Variants in ATN1 observed in about 807,000 individuals in gnomAD.
The protein encoded by ATN1 is atrophin 1, also known as atrophin-1.
ATN1 carries 19 observed loss-of-function variants against 85.8 expected under a neutral mutation model. That is an observed-to-expected ratio of 0.22 (90% CI 0.15 to 0.32). The LOEUF (loss-of-function observed/expected upper bound fraction) is 0.32, where lower values mean the gene tolerates loss of function less well. Ranked by LOEUF, ATN1 falls within the 10% of genes least tolerant of loss-of-function variation. The pLI, the probability that ATN1 is intolerant of heterozygous loss-of-function variation, is 1.00. For missense variants in ATN1, 1,453 were observed against 1,564.5 expected (o/e 0.93, Z 1.20); for synonymous variants, 674 against 657.0 (o/e 1.03, Z -0.39).
rs1721094143 is a variant in ATN1 at position 6,938,865 on chromosome 12, T to G, written c.2902T>G (p.Leu968Val). The change falls in exon 7 of 10, where the codon TTG (leucine) becomes GTG (valine). Residue 968 changes from leucine to valine, a missense_variant. Physicochemically the swap from Leu to Val is conservative, Grantham distance 32. Around this residue, in one of 6 missense-constraint regions of ATN1, gnomAD observed 208 missense variants for 263.4 expected, o/e 0.79. Coordinates refer to ENST00000396684, the MANE Select transcript of ATN1 (RefSeq NM_001940.4). ...CCTACATGGGGTCCCTGGGCCGGGC[T>G]TGGATCCCTTTCCCCGACATGGGGG... ...EPLHGVPGPG[L>V]DPFPRHGGLA... is the part of the protein sequence containing the mutation. 4 of 1,614,096 alleles carry G rather than the reference T, an allele frequency of 2.5e-6. No individual in the cohort carries two copies. Among genetic ancestry groups the G allele is most frequent in the Non-Finnish European group, 3.4e-6 (4 of 1,179,994 alleles).
Position 6,941,904 on chromosome 12 carries a change from C to A in ATN1, c.*124C>A. The A allele has an allele frequency of 2.1e-6, 2 of 944,360 alleles. No individual in the cohort carries two copies. The highest frequency in any genetic ancestry group is 3.4e-6 in the Non-Finnish European group (2 of 589,862). The allele number at this position is 944,360 out of a possible 1,614,324, so 58.5% of individuals were successfully genotyped here. On this transcript the variant is annotated 3_prime_UTR_variant, in exon 10 of 10. Transcript: ENST00000396684. The surrounding 1 kb of genome is among the most constrained non-coding windows in gnomAD (Gnocchi z 5.9). ...GGGTGCTGCTCAGTTGCAGGGCCTCCGCAGCTGGACAGAGAGTGGGGGAGG... is the reference window on the plus strand; with the variant it reads ...GGGTGCTGCTCAGTTGCAGGGCCTCAGCAGCTGGACAGAGAGTGGGGGAGG...
intron 7 of ATN1, 148 bp from the exon 8 acceptor site, chr12:6,940,732 C>A (rs2138222485): frequency 1.1e-6 from 1 of 925,580 alleles, no homozygotes; most frequent in Non-Finnish European, 1.7e-6. Flanking sequence ...CCCTGCCAGG[C>A]CTCTAGTTCT....
At position 6,937,884 on chromosome 12, in the gene ATN1, G is replaced by A. The variant is rs782030566; in HGVS notation, c.2334G>A (p.Ala778=). 7 of 1,591,458 alleles carry A rather than the reference G, an allele frequency of 4.4e-6. No individual in the cohort carries two copies. The African/African-American group carries it at 8.1e-5, about 18-fold the overall frequency. The change falls in exon 6 of 10, where the codon GCG becomes GCA. Residue 778 remains alanine (A), a synonymous_variant. Coordinates refer to ENST00000396684, the MANE Select transcript of ATN1 (RefSeq NM_001940.4). The surrounding 1 kb of genome is among the most constrained non-coding windows in gnomAD (Gnocchi z 6.0). ...KHLDRGFNSC[A]RSDLYFVPLE... ...TGGATCGCGGCTTCAACTCGTGCGCGCGCAGCGACCTGTACTTCGTGCCAC... is the reference window on the plus strand; with the variant it reads ...TGGATCGCGGCTTCAACTCGTGCGCACGCAGCGACCTGTACTTCGTGCCAC...
intron 7 of ATN1, among the ~76,000 whole-genome samples, chr12:6,940,466 C>G (rs2138222079): frequency 6.6e-6 from 1 of 152,234 alleles, no homozygotes; most frequent in Middle Eastern, 3.4e-3. Flanking sequence ...CAGGGTTTCA[C>G]CATCTTGGCC....
In ATN1 at chr12:6,941,163, G is replaced by A. The variant is rs1945629674; in HGVS notation, c.3358+140G>A. 7.9e-7 allele frequency: 1 copy of A among 1,257,894 alleles called. No homozygotes were observed. Among genetic ancestry groups the A allele is most frequent in the Admixed American group, 2.6e-5 (1 of 38,080 alleles). 77.9% of individuals were successfully genotyped at this position (1,257,894 alleles called of 1,614,324 possible). On this transcript the variant is annotated intron_variant, in intron 8 of 9. Coordinates refer to ENST00000396684, the MANE Select transcript of ATN1 (RefSeq NM_001940.4). The surrounding 1 kb of genome is among the most constrained non-coding windows in gnomAD (Gnocchi z 5.9). ...AGCTGGGCATGGGAATAGGAGAGCT[G>A]GAGCTCTGCCCAAGAGAAGCACGAG...
intron 1 of ATN1, among the ~76,000 whole-genome samples, chr12:6,931,136 T>G (rs1440904732): frequency 6.6e-6 from 1 of 152,140 alleles, no homozygotes; most frequent in Non-Finnish European, 1.5e-5. Context: ...TCAGGTACAT[T>G]CCTGTGTTTC....
intron 1 of ATN1, among the ~76,000 whole-genome samples, chr12:6,928,972 C>T (rs980424222): frequency 6.6e-6 from 1 of 152,114 alleles, no homozygotes; most frequent in African/African-American, 2.4e-5. Flanking sequence ...AAAGAGAGGT[C>T]CATTTTTGAG....
chr12:6,938,378 G>C lies in ATN1; in HGVS notation c.2518-103G>C. 2.8e-6 allele frequency: 4 copies of C among 1,433,784 alleles called. No homozygotes were observed. The South Asian group carries it at 5.7e-5, about 21-fold the overall frequency. The allele number at this position is 1,433,784 out of a possible 1,614,324, so 88.8% of individuals were successfully genotyped here. On this transcript the variant is annotated intron_variant, in intron 6 of 9. Transcript: ENST00000396684. ...CAGGTGGGCAGAGTTTCAATGAGTT[G>C]AGGCATTTTGGCATTCGGCTGTCGA...
rs1555143447 is a variant in ATN1, at chr12:6,935,598, C to T, written c.331C>T (p.Arg111Trp). The T allele has an allele frequency of 1.9e-6, 3 of 1,613,774 alleles. No homozygotes were observed. The highest frequency in any genetic ancestry group is 2.2e-5 in the East Asian group (1 of 44,882). The change falls in exon 5 of 10, where the codon CGG becomes TGG. Residue 111 changes from arginine (R) to tryptophan (W), a missense_variant. This residue lies in a region of ATN1 where 130 missense variants were observed against 158.2 expected (regional missense o/e 0.82). Coordinates refer to ENST00000396684, the MANE Select transcript of ATN1 (RefSeq NM_001940.4). The surrounding 1 kb of genome is among the most constrained non-coding windows in gnomAD (Gnocchi z 5.3). Reference sequence around the variant, plus strand: ...CTCCGATCTGGATAGCTTGGACGGGCGGAGCCTTAATGATGATGGCAGCAG... The same window carrying T: ...CTCCGATCTGGATAGCTTGGACGGGTGGAGCCTTAATGATGATGGCAGCAG... ...SPSDLDSLDG[R>W]SLNDDGSSDP...
At chr12:6,929,309 C>G (rs375319712) in intron 1 of ATN1, among the ~76,000 whole-genome samples, 2 of 152,288 alleles carry the variant, frequency 1.3e-5, no homozygotes, top group East Asian at 3.9e-4. Context: ...GAGCTGTGAT[C>G]TATATAGGGA....
In ATN1 at chr12:6,941,305, C is replaced by G. The variant is rs781867520; in HGVS notation, c.3359-69C>G. On this transcript the variant is annotated intron_variant, in intron 8 of 9. Transcript: ENST00000396684. The surrounding 1 kb of genome is among the most constrained non-coding windows in gnomAD (Gnocchi z 5.9). The stretch of plus-strand genomic sequence containing the variant: ...TTACCTTTGTATGTAAAGGAGCTGG[C>G]TATCCCCTGGTCCAGAGCAGGTACT... 8 of 1,504,154 alleles carry G rather than the reference C, an allele frequency of 5.3e-6. No individual in the cohort carries two copies. The highest frequency in any genetic ancestry group is 7.1e-6 in the Non-Finnish European group (8 of 1,119,624). The allele number at this position is 1,504,154 out of a possible 1,614,324, so 93.2% of individuals were successfully genotyped here.
chr12:6,937,433 C>G lies in ATN1; in HGVS notation c.2166C>G (p.Ser722Arg). The G allele has an allele frequency of 1.3e-6, 2 of 1,547,450 alleles. No homozygotes were observed. Among genetic ancestry groups the G allele is most frequent in the Non-Finnish European group, 8.7e-7 (1 of 1,147,380 alleles). Reference protein sequence around the residue: ...PAAPASGPPLSATQIKQEPAE... With the variant: ...PAAPASGPPLRATQIKQEPAE... ...CCCCTGCCTCAGGGCCGCCCCTGAGCGCCACGCAGATCAAACAGGAGCCGG... is the reference window on the plus strand; with the variant it reads ...CCCCTGCCTCAGGGCCGCCCCTGAGGGCCACGCAGATCAAACAGGAGCCGG... The change falls in exon 5 of 10, where the codon AGC becomes AGG. Residue 722 changes from serine to arginine, a missense_variant. Transcript: ENST00000396684. This position sits in a 1 kb window ranked among gnomAD's most constrained non-coding sequence, Gnocchi z 6.0.
rs782152759 is a variant in ATN1, at chr12:6,939,137, C to T, written c.3174C>T (p.His1058=). ...TPHHHQHSHI[H]SHLHLHQQDA... is the part of the protein sequence containing the mutation. ...ATCACCACCAGCACTCCCACATCCA[C>T]TCGCACCTGCACCTGCACCAGCAAG... Residue 1058 remains histidine (H), a synonymous_variant, in exon 7 of 10, where the codon CAC becomes CAT. Coordinates refer to ENST00000396684, the MANE Select transcript of ATN1 (RefSeq NM_001940.4). The T allele has an allele frequency of 6.2e-7, 1 of 1,600,170 alleles. No individual in the cohort carries two copies. The highest frequency in any genetic ancestry group is 1.1e-5 in the South Asian group (1 of 91,070).
rs181318837 is a variant in ATN1 at position 6,937,428 on chromosome 12, C to T, written c.2161C>T (p.Leu721=). 25,315 of 1,547,510 alleles carry T rather than the reference C, an allele frequency of 0.016. 309 individuals carry two copies. The highest frequency in any genetic ancestry group is 0.018 in the Non-Finnish European group (20,086 of 1,147,402). The change falls in exon 5 of 10, where the codon CTG becomes TTG. Residue 721 remains leucine (L), a synonymous_variant. Transcript: ENST00000396684. The surrounding 1 kb of genome is among the most constrained non-coding windows in gnomAD (Gnocchi z 6.0). ...PPAAPASGPP[L]SATQIKQEPA... Reference sequence around the variant, plus strand: ...TGCGGCCCCTGCCTCAGGGCCGCCCCTGAGCGCCACGCAGATCAAACAGGA... The same window carrying T: ...TGCGGCCCCTGCCTCAGGGCCGCCCTTGAGCGCCACGCAGATCAAACAGGA...
Position 6,936,794 on chromosome 12 carries a change from C to T in ATN1, c.1527C>T (p.Pro509=). The change falls in exon 5 of 10, where the codon CCC becomes CCT. Residue 509 remains proline, a synonymous_variant. Coordinates refer to ENST00000396684, the MANE Select transcript of ATN1 (RefSeq NM_001940.4). ...QQQQHHGNSG[P]PPPGAFPHPL... The stretch of plus-strand genomic sequence containing the variant: ...AGCAGCATCACGGAAACTCTGGGCC[C>T]CCTCCTCCTGGAGCATTTCCCCACC... The T allele has an allele frequency of 6.2e-7, 1 of 1,609,496 alleles. No individual in the cohort carries two copies. Among genetic ancestry groups the T allele is most frequent in the South Asian group, 1.1e-5 (1 of 90,592 alleles).
At chr12:6,927,097 C>A (rs1331367949), upstream of ATN1, among the ~76,000 whole-genome samples, 1 of 151,998 alleles carries the variant, frequency 6.6e-6, no homozygotes, top group Non-Finnish European at 1.5e-5. Flanking sequence ...GACGTTTCCT[C>A]TGGACTTCTC....
upstream of ATN1, among the ~76,000 whole-genome samples, chr12:6,926,777 ATTTTC>A (rs1945403079): frequency 6.6e-6 from 1 of 151,462 alleles, no homozygotes; most frequent in Admixed American, 6.6e-5. Context: ...CCCCATCTCC[ATTTTC>A]TTTTCCCATC....
Position 6,936,937 on chromosome 12 carries a change from C to T in ATN1, c.1670C>T (p.Ser557Phe), listed in dbSNP as rs781981960. 5 of 1,614,016 alleles carry T rather than the reference C, an allele frequency of 3.1e-6. No homozygotes were observed. Among genetic ancestry groups the T allele is most frequent in the South Asian group, 1.1e-5 (1 of 91,062 alleles). Residue 557 changes from serine to phenylalanine, a missense_variant, in exon 5 of 10, where the codon TCC becomes TTC. Ser to Phe is a radical substitution (Grantham distance 155). Transcript: ENST00000396684. ...CTGCCCCCACCTCACAGCCAGGTGT[C>T]CTACAGCCAAGCAGGCCCCAATGGC... is the stretch of plus-strand genomic sequence containing the variant. ...AHLPPPHSQV[S>F]YSQAGPNGPP...
chr12:6,934,329 G>A lies in ATN1; in HGVS notation c.165+16G>A, dbSNP rs1201097336. Reference sequence around the variant, plus strand: ...GACAGCCAAGGTATTCTGTCCTCAGGTCCTCCCACAGGATGCCCAAGGCAC... The same window carrying A: ...GACAGCCAAGGTATTCTGTCCTCAGATCCTCCCACAGGATGCCCAAGGCAC... On this transcript the variant is annotated intron_variant, in intron 3 of 9. Coordinates refer to ENST00000396684, the MANE Select transcript of ATN1 (RefSeq NM_001940.4). The surrounding 1 kb of genome is among the most constrained non-coding windows in gnomAD (Gnocchi z 4.5). 15 of 1,570,530 alleles carry A rather than the reference G, an allele frequency of 9.6e-6. No homozygotes were observed. The highest frequency in any genetic ancestry group is 1.3e-5 in the Non-Finnish European group (15 of 1,162,758).
Sources: gnomAD v4.1 joint callset for allele counts (sites outside exome capture counted in the v4.1 genomes callset) on GRCh38, gnomAD v4.1.1 for gene constraint, gnomAD v4.1.1 regional missense constraint, Gnocchi (gnomAD v3.1) non-coding constraint, MANE v1.5 for transcripts, NCBI Gene and HGNC (gene_info 2026-07-23, HGNC 2026-07-21) for gene names.